Variants in IDE observed in about 807,000 individuals in gnomAD.
IDE encodes the protein insulin-degrading enzyme.
A neutral mutation model predicts 133.2 loss-of-function variants in IDE; 58 were observed. The observed-to-expected ratio is 0.44, with a 90% CI of 0.35 to 0.54. The LOEUF (loss-of-function observed/expected upper bound fraction) is 0.54. IDE is among the 20% of genes least tolerant of loss of function. The probability of loss-of-function intolerance (pLI) is 0.00; values close to 1 mark genes in which losing one functional copy is unlikely to be tolerated. For missense variants in IDE, 981 were observed against 1,234.0 expected, an observed-to-expected ratio of 0.79 and a Z score of 3.07; for synonymous variants, 396 against 421.3, an observed-to-expected ratio of 0.94 and a Z score of 0.73.
At chr10:92,490,289 CAT>C (rs549308422) in intron 12 of IDE, among the ~76,000 whole-genome samples, 31 of 152,342 alleles carry the variant, frequency 2.0e-4, no homozygotes, top group African/African-American at 7.0e-4. Context: ...TTGATAGACA[CAT>C]GAGAAGGTGG....
chr10:92,468,264 A>G (rs1845793878), intron 19 of IDE, among the ~76,000 whole-genome samples: 1 of 152,190 alleles, frequency 6.6e-6, no homozygotes, highest in African/African-American at 2.4e-5. Flanking sequence ...CAAACAATCA[A>G]GCTTGGCCAA....
chr10:92,513,332 A>G (rs1172932569), intron 5 of IDE, among the ~76,000 whole-genome samples: 1 of 152,126 alleles, frequency 6.6e-6, no homozygotes, highest in Non-Finnish European at 1.5e-5. Flanking sequence ...AGCTGGGATT[A>G]CAGGTGCCCG....
chr10:92,527,877 G>A (rs966646939), intron 4 of IDE, among the ~76,000 whole-genome samples: 10 of 152,148 alleles, frequency 6.6e-5, no homozygotes, highest in African/African-American at 2.4e-4. Flanking sequence ...TTAGCTGGGC[G>A]TGGTGGCACG....
At chr10:92,547,855 C>A (rs1247927570) in intron 1 of IDE, among the ~76,000 whole-genome samples, 2 of 152,188 alleles carry the variant, frequency 1.3e-5, no homozygotes, top group African/African-American at 2.4e-5. Flanking sequence ...CAGATGACCT[C>A]TCTGCTCCTG....
At chr10:92,508,244 A>T in intron 7 of IDE, 39 bp from the exon 8 acceptor site, 1 of 1,482,506 alleles carries the variant, frequency 6.7e-7, no homozygotes, top group Non-Finnish European at 9.3e-7. Flanking sequence ...TTGATTGCAT[A>T]TGTGGCTTCC....
chr10:92,565,167 C>T (rs551759343), intron 1 of IDE, among the ~76,000 whole-genome samples: 1 of 151,092 alleles, frequency 6.6e-6, no homozygotes, highest in South Asian at 2.1e-4. Flanking sequence ...TTGCTTGAAC[C>T]CAGGAGGCGG....
intron 11 of IDE, among the ~76,000 whole-genome samples, chr10:92,498,496 C>T (rs1385310934): frequency 3.3e-5 from 5 of 152,124 alleles, no homozygotes; most frequent in Non-Finnish European, 1.5e-5. Flanking sequence ...TGGCTCACAC[C>T]TGTAATCCCA....
intron 16 of IDE, among the ~76,000 whole-genome samples, chr10:92,475,618 C>G (rs998374745): frequency 2.0e-5 from 3 of 152,104 alleles, no homozygotes; most frequent in Admixed American, 6.5e-5. Flanking sequence ...CTAAGTGCTT[C>G]TCTTTGAAAT....
intron 4 of IDE, among the ~76,000 whole-genome samples, chr10:92,521,033 A>C (rs1298309685): frequency 6.6e-6 from 1 of 152,230 alleles, no homozygotes; most frequent in Non-Finnish European, 1.5e-5. Flanking sequence ...TATTTTGAAA[A>C]TTGGTAAATA....
intron 1 of IDE, among the ~76,000 whole-genome samples, chr10:92,566,411 TCTCACACACACA>T (rs1843552690): frequency 1.4e-5 from 2 of 142,950 alleles, no homozygotes; most frequent in South Asian, 4.4e-4. Context: ...TCTCTCTCTC[TCTCACACACACA>T]CACACACACA....
intron 1 of IDE, among the ~76,000 whole-genome samples, chr10:92,573,335 G>A (rs1226813774): frequency 6.6e-6 from 1 of 152,156 alleles, no homozygotes; most frequent in Non-Finnish European, 1.5e-5. Context: ...GGATCCCGAG[G>A]TATCTTTTGG....
Position 92,574,052 on chromosome 10 carries a change from G to A in IDE, c.-33C>T, listed in dbSNP as rs1471516006. On this transcript the variant is annotated 5_prime_UTR_variant, in exon 1 of 25. Transcript: ENST00000265986. ...CGCAGTCGCCGGGATCACCGCAAAC[G>A]CTTCCTGCTTGCGCTTCGAGCCGGC... The A allele has an allele frequency of 1.4e-6, 2 of 1,466,478 alleles. No homozygotes were observed. Among genetic ancestry groups the A allele is most frequent in the Non-Finnish European group, 9.1e-7 (1 of 1,098,270 alleles). The allele number at this position is 1,466,478 out of a possible 1,614,324, so 90.8% of individuals were successfully genotyped here.
intron 5 of IDE, among the ~76,000 whole-genome samples, chr10:92,510,866 T>C (rs1450933359): frequency 6.6e-6 from 1 of 150,970 alleles, no homozygotes; most frequent in African/African-American, 2.4e-5. Context: ...ATCACATATA[T>C]ATCACATACA....
intron 12 of IDE, among the ~76,000 whole-genome samples, chr10:92,490,113 G>C (rs11596251): frequency 6.6e-6 from 1 of 152,182 alleles, no homozygotes; most frequent in African/African-American, 2.4e-5. Flanking sequence ...ATGAATCCTA[G>C]AGCCTGCTCT....
At chr10:92,565,318 C>T (rs574956583) in intron 1 of IDE, among the ~76,000 whole-genome samples, 4 of 147,860 alleles carry the variant, frequency 2.7e-5, no homozygotes, top group African/African-American at 7.5e-5. Context: ...ACTCAGGAGG[C>T]TAAGGAATGA....
chr10:92,501,529 G>A (rs753526274), intron 11 of IDE, among the ~76,000 whole-genome samples: 17 of 151,322 alleles, frequency 1.1e-4, no homozygotes, highest in Middle Eastern at 3.4e-3. Context: ...AATTAGCTGG[G>A]CATGGTGGCG....
At chr10:92,467,713 T>C (rs920946929) in intron 19 of IDE, among the ~76,000 whole-genome samples, 2 of 152,248 alleles carry the variant, frequency 1.3e-5, no homozygotes, top group Non-Finnish European at 2.9e-5. Context: ...AGTCTTTCTC[T>C]AATTGTAGTG....
chr10:92,461,958 G>A (rs1033971374), intron 21 of IDE, among the ~76,000 whole-genome samples: 1 of 152,140 alleles, frequency 6.6e-6, no homozygotes, highest in African/African-American at 2.4e-5. Context: ...ACAGGCGTGA[G>A]CCACTGTGCC....
chr10:92,492,970 G>A (rs1847452087), intron 11 of IDE, among the ~76,000 whole-genome samples: 1 of 152,210 alleles, frequency 6.6e-6, no homozygotes, highest in South Asian at 2.1e-4. Context: ...TCTTCCAGCT[G>A]TAGGTGTTCC....
Sources: allele counts gnomAD v4.1 joint callset (sites outside exome capture counted in the v4.1 genomes callset), GRCh38; gene constraint gnomAD v4.1.1; transcripts MANE v1.5; gene names NCBI Gene and HGNC (gene_info 2026-07-23, HGNC 2026-07-21).